Variants in ST6GAL1 observed in about 807,000 individuals in gnomAD.
ST6GAL1 encodes the protein beta-galactoside alpha-2,6-sialyltransferase 1.
Under a neutral mutation model 38.0 loss-of-function variants are expected in ST6GAL1, and 20 were observed. That is an observed-to-expected ratio of 0.53 (90% CI 0.37 to 0.77). The LOEUF (loss-of-function observed/expected upper bound fraction) is 0.77, where lower values mean the gene tolerates loss of function less well. Among genes scored for constraint, ST6GAL1 ranks in the 30% least tolerant of loss-of-function variants. The pLI is 0.00. For synonymous variants in ST6GAL1, 196 were observed against 188.2 expected, an observed-to-expected ratio of 1.04 and a Z score of -0.34; for missense variants, 432 against 496.4, an observed-to-expected ratio of 0.87 and a Z score of 1.23.
At chr3:187,064,110 C>G (rs1283414823) in intron 5 of ST6GAL1, among the ~76,000 whole-genome samples, 1 of 151,862 alleles carries the variant, frequency 6.6e-6, no homozygotes, top group Non-Finnish European at 1.5e-5. Context: ...AGGCATCTAG[C>G]AGAAGGGAGG....
chr3:186,947,409 C>G (rs1032151430), intron 1 of ST6GAL1, among the ~76,000 whole-genome samples: 14 of 152,164 alleles, frequency 9.2e-5, no homozygotes, highest in Admixed American at 8.5e-4. Context: ...GCCTGCACAG[C>G]CATGCCCATG....
At chr3:187,066,756 T>C (rs9869746) in intron 5 of ST6GAL1, among the ~76,000 whole-genome samples, 3,575 of 152,118 alleles carry the variant, frequency 0.024, 141 homozygotes, top group African/African-American at 0.082. Context: ...TCCTGGCAGA[T>C]GTTCCCCAGG....
intron 6 of ST6GAL1, 105 bp from the exon 7 acceptor site, chr3:187,074,054 T>G: frequency 9.3e-7 from 1 of 1,072,802 alleles, no homozygotes; most frequent in Non-Finnish European, 1.3e-6. Flanking sequence ...GAGCAACACT[T>G]GTTGATCCTT....
In ST6GAL1 at chr3:187,075,442, A is replaced by T; in HGVS notation, c.980-120A>T. On this transcript the variant is annotated intron_variant, in intron 7 of 7. Coordinates refer to ENST00000169298, the MANE Select transcript of ST6GAL1 (RefSeq NM_173216.2). The surrounding 1 kb of genome is among the most constrained non-coding windows in gnomAD (Gnocchi z 4.1). ...TAGATTGGGAATCACAGTCATAAAT[A>T]GAAACTCCAGAGGGAAAGCTCTCCA... The T allele has an allele frequency of 6.9e-7, 1 of 1,440,496 alleles. No homozygotes were observed. Among genetic ancestry groups the T allele is most frequent in the Non-Finnish European group, 9.4e-7 (1 of 1,066,092 alleles). 89.2% of individuals were successfully genotyped at this position (1,440,496 alleles called of 1,614,324 possible). A position where few individuals can be genotyped will look rare whatever the true frequency, so the allele number is the denominator to read the frequency against.
chr3:187,007,194 CTCCA>C (rs1716811536), intron 2 of ST6GAL1, among the ~76,000 whole-genome samples: 1 of 152,164 alleles, frequency 6.6e-6, no homozygotes, highest in South Asian at 2.1e-4. Flanking sequence ...TCCGAGATAA[CTCCA>C]TCTTTCTAAC....
At chr3:186,999,194 G>C (rs1008477538) in intron 2 of ST6GAL1, among the ~76,000 whole-genome samples, 45 of 152,218 alleles carry the variant, frequency 3.0e-4, no homozygotes, top group Non-Finnish European at 8.8e-5. Context: ...TTCACTAGGC[G>C]GTAAGCCTCT....
intron 5 of ST6GAL1, 95 bp downstream of exon 5, chr3:187,051,441 A>G: frequency 8.8e-7 from 1 of 1,135,474 alleles, no homozygotes; most frequent in Non-Finnish European, 1.3e-6. Flanking sequence ...CTAGGCTGCC[A>G]ATTAAGTCTC....
At chr3:187,022,971 G>T (rs1181635025) in intron 2 of ST6GAL1, among the ~76,000 whole-genome samples, 1 of 152,066 alleles carries the variant, frequency 6.6e-6, no homozygotes, top group African/African-American at 2.4e-5. Context: ...GGGTCTGTTT[G>T]GTCAGTCTTA....
At chr3:186,987,200 G>GAAGGAGGGA (rs1553821924) in intron 2 of ST6GAL1, among the ~76,000 whole-genome samples, 1 of 138,658 alleles carries the variant, frequency 7.2e-6, no homozygotes, top group African/African-American at 2.7e-5. Context: ...GGGAGGGAGG[G>GAAGGAGGGA]AAGGAAAGAA....
At chr3:187,040,213 C>T (rs561998798) in intron 3 of ST6GAL1, among the ~76,000 whole-genome samples, 4 of 152,318 alleles carry the variant, frequency 2.6e-5, no homozygotes, top group East Asian at 1.9e-4. Flanking sequence ...GCTTATCTCA[C>T]GGGAGTATAA....
At chr3:186,959,585 C>G (rs190908645) in intron 1 of ST6GAL1, among the ~76,000 whole-genome samples, 115 of 152,166 alleles carry the variant, frequency 7.6e-4, no homozygotes, top group South Asian at 1.3e-3. Context: ...GACAGGAGCC[C>G]CGTAATGTTG....
At chr3:186,984,725 CCCTTCCTT>C (rs1246224765) in intron 2 of ST6GAL1, among the ~76,000 whole-genome samples, 2 of 136,810 alleles carry the variant, frequency 1.5e-5, no homozygotes, top group African/African-American at 2.7e-5. Context: ...TTCCCTTCCT[CCCTTCCTT>C]CCTTCCTTCC....
chr3:187,014,029 C>A (rs1195416496), intron 2 of ST6GAL1, among the ~76,000 whole-genome samples: 1 of 152,210 alleles, frequency 6.6e-6, no homozygotes, highest in Non-Finnish European at 1.5e-5. Context: ...CGGGCCTCAG[C>A]CTTCTGACCC....
intron 2 of ST6GAL1, among the ~76,000 whole-genome samples, chr3:187,008,554 A>T (rs944928294): frequency 2.0e-5 from 3 of 152,182 alleles, no homozygotes; most frequent in Admixed American, 2.0e-4. Context: ...AAAGCAAAAT[A>T]GAGATATTTT....
At chr3:187,049,459 A>T (rs1167633324) in intron 4 of ST6GAL1, among the ~76,000 whole-genome samples, 2 of 152,202 alleles carry the variant, frequency 1.3e-5, no homozygotes, top group Non-Finnish European at 2.9e-5. Flanking sequence ...AAGGGGCAGA[A>T]CCAGGTTGGG....
Position 187,067,065 on chromosome 3 carries a change from T to TTTTC in ST6GAL1, c.706-5768_706-5765dup, listed in dbSNP as rs1337310231. ...CCCATCCAGTTTTAAGGCAATCTTCTTTTCTTTCTTTCTTTCTTTTTTTTT... is the reference window on the plus strand; with the variant it reads ...CCCATCCAGTTTTAAGGCAATCTTCTTTTCTTTCTTTCTTTCTTTCTTTTTTTTT... On this transcript the variant is annotated intron_variant, in intron 5 of 7. Transcript: ENST00000169298. 1.2e-3 allele frequency among the ~76,000 whole-genome samples: 179 copies of TTTTC among 146,564 alleles called. 1 individual carries two copies. Among genetic ancestry groups the TTTTC allele is most frequent in the South Asian group, 2.9e-3 (13 of 4,556 alleles).
At chr3:186,949,714 A>G (rs574839789) in intron 1 of ST6GAL1, among the ~76,000 whole-genome samples, 107 of 152,144 alleles carry the variant, frequency 7.0e-4, no homozygotes, top group African/African-American at 2.5e-3. Flanking sequence ...TATCATTCGG[A>G]AAAAAAACCA....
chr3:186,969,885 T>A (rs1334661835), intron 2 of ST6GAL1, among the ~76,000 whole-genome samples: 1 of 152,214 alleles, frequency 6.6e-6, no homozygotes, highest in African/African-American at 2.4e-5. Context: ...ATGAATAATT[T>A]GACCTGGTTG....
chr3:187,050,534 AAGAGAGAGAGAGAG>A (rs147505225), intron 4 of ST6GAL1, among the ~76,000 whole-genome samples: 2 of 87,740 alleles, frequency 2.3e-5, no homozygotes, highest in African/African-American at 6.2e-5. Flanking sequence ...CTTACAAAGA[AAGAGAGAGAGAGAG>A]AGAGAGAGAG....
Sources: gnomAD v4.1 joint callset for allele counts (sites outside exome capture counted in the v4.1 genomes callset) on GRCh38, gnomAD v4.1.1 for gene constraint, Gnocchi (gnomAD v3.1) non-coding constraint, MANE v1.5 for transcripts, NCBI Gene and HGNC (gene_info 2026-07-23, HGNC 2026-07-21) for gene names.